The following EYA2 variants were observed in gnomAD, a reference collection of about 807,000 sequenced individuals.
The protein encoded by EYA2 is protein phosphatase EYA2.
EYA2 carries 31 observed loss-of-function variants against 69.2 expected under a neutral mutation model. That is an observed-to-expected ratio of 0.45 (90% CI 0.34 to 0.60). The LOEUF (loss-of-function observed/expected upper bound fraction) is 0.60, where lower values mean the gene tolerates loss of function less well. EYA2 is among the 20% of genes least tolerant of loss of function. The pLI is 0.02. For synonymous variants in EYA2, 257 were observed against 279.4 expected, an observed-to-expected ratio of 0.92 and a Z score of 0.80; for missense variants, 622 against 701.2, an observed-to-expected ratio of 0.89 and a Z score of 1.28.
At chr20:47,027,336 C>A (rs1387613490) in intron 5 of EYA2, among the ~76,000 whole-genome samples, 1 of 152,218 alleles carries the variant, frequency 6.6e-6, no homozygotes, top group Non-Finnish European at 1.5e-5. Flanking sequence ...TCTTGGCATC[C>A]TATGGGTTGT....
rs765751227 is a variant in EYA2 at position 47,001,425 on chromosome 20, CA to C, written c.110-2del. 1 of 1,614,086 alleles carries C rather than the reference CA, an allele frequency of 6.2e-7. No homozygotes were observed. Among genetic ancestry groups the C allele is most frequent in the African/African-American group, 1.3e-5 (1 of 75,048 alleles). On this transcript the variant is annotated splice_acceptor_variant, in intron 2 of 15. Transcript: ENST00000327619. LOFTEE classifies it high-confidence loss of function. ...TCTTCCAATTTTTCTTTTTCTCCTG[CA>C]GGCATCACCAAATCGGCCCCCCTGA... is the stretch of plus-strand genomic sequence containing the variant.
At chr20:47,137,277 A>G (rs1367224246) in intron 9 of EYA2, among the ~76,000 whole-genome samples, 1 of 152,146 alleles carries the variant, frequency 6.6e-6, no homozygotes, top group African/African-American at 2.4e-5. Context: ...CTTTTGTACC[A>G]ACTGATGTGG....
chr20:47,171,251 G>A (rs1241324709), intron 11 of EYA2, among the ~76,000 whole-genome samples: 1 of 152,192 alleles, frequency 6.6e-6, no homozygotes, highest in Non-Finnish European at 1.5e-5. Flanking sequence ...GAGCTGTTTG[G>A]TACCTCACTT....
intron 1 of EYA2, among the ~76,000 whole-genome samples, chr20:46,985,804 A>G (rs1465730658): frequency 5.3e-5 from 8 of 152,212 alleles, no homozygotes; most frequent in Admixed American, 5.2e-4. Context: ...CTAGATTTTT[A>G]TGTGAAATTG....
chr20:47,089,149 T>A, intron 7 of EYA2, 90 bp from the exon 8 acceptor site: 1 of 1,490,612 alleles, frequency 6.7e-7, no homozygotes, highest in East Asian at 2.3e-5. Context: ...ACCCACTGCT[T>A]TGGAGCTAGA....
At chr20:47,139,284 A>G (rs1338335515) in intron 9 of EYA2, among the ~76,000 whole-genome samples, 1 of 152,258 alleles carries the variant, frequency 6.6e-6, no homozygotes, top group African/African-American at 2.4e-5. Context: ...TCCAAGAAAT[A>G]TATGCCTATA....
At chr20:47,016,356 TC>T in intron 5 of EYA2, 59 bp downstream of exon 5, 1 of 1,285,692 alleles carries the variant, frequency 7.8e-7, no homozygotes, top group Non-Finnish European at 1.1e-6. Flanking sequence ...AAGTTGGGTG[TC>T]CATTCATTCA....
chr20:46,985,112 T>C (rs971219303), intron 1 of EYA2, among the ~76,000 whole-genome samples: 12 of 152,232 alleles, frequency 7.9e-5, no homozygotes, highest in Non-Finnish European at 1.6e-4. Context: ...GTCAGAGTCA[T>C]TGTCTAGGGC....
intron 5 of EYA2, among the ~76,000 whole-genome samples, chr20:47,050,849 C>T (rs1397597383): frequency 3.3e-5 from 5 of 152,320 alleles, no homozygotes; most frequent in South Asian, 4.1e-4. Flanking sequence ...AGAGAGAAAG[C>T]GTAGCGCTCC....
chr20:47,103,041 A>C (rs912724753), intron 9 of EYA2, among the ~76,000 whole-genome samples: 1 of 152,150 alleles, frequency 6.6e-6, no homozygotes, highest in Admixed American at 6.5e-5. Context: ...TAGGCAGCCC[A>C]CTACCAATAT....
rs1979234473 is a variant in EYA2 at position 46,957,909 on chromosome 20, AT to A, written c.-10-32089del. ...AAATGTATAAGCTTCTCAACTTGCA[AT>A]TTGTCCCAAACTACATTCCCTGCTC... is the stretch of plus-strand genomic sequence containing the variant. On this transcript the variant is annotated intron_variant, in intron 1 of 15. Transcript: ENST00000327619. 3.9e-5 allele frequency among the ~76,000 whole-genome samples: 6 copies of A among 152,118 alleles called. No homozygotes were observed. The South Asian group carries it at 1.2e-3, about 32-fold the overall frequency.
At position 47,135,831 on chromosome 20, in the gene EYA2, AAAAAAAAAAACAAACAAACAAAC is replaced by A. The variant is rs1181404032; in HGVS notation, c.889-7221_889-7199del. On this transcript the variant is annotated intron_variant, in intron 9 of 15. Transcript: ENST00000327619. ...ACCCTGTCTCTACAAAAAAAAAAAA[AAAAAAAAAAACAAACAAACAAAC>A]AAAAAACTAATTAATTAATTAATTA... 1.2e-3 allele frequency among the ~76,000 whole-genome samples: 100 copies of A among 83,174 alleles called. 1 individual carries two copies. Among genetic ancestry groups the A allele is most frequent in the African/African-American group, 6.8e-3 (89 of 13,088 alleles). The allele number at this position is 83,174 out of a possible 152,430, so 54.6% of individuals were successfully genotyped here.
intron 9 of EYA2, among the ~76,000 whole-genome samples, chr20:47,136,579 A>T (rs1375273178): frequency 6.6e-6 from 1 of 152,048 alleles, no homozygotes; most frequent in Non-Finnish European, 1.5e-5. Context: ...CCCTGTCTCT[A>T]CACAAAATAA....
chr20:47,039,111 T>TCACACACACACACACACA (rs11467574), intron 5 of EYA2, among the ~76,000 whole-genome samples: 13 of 149,868 alleles, frequency 8.7e-5, no homozygotes, highest in Admixed American at 2.7e-4. Flanking sequence ...GATGTCGAAA[T>TCACACACACACACACACA]CACACACACA....
chr20:47,115,140 G>C (rs953734623), intron 9 of EYA2, among the ~76,000 whole-genome samples: 3 of 152,152 alleles, frequency 2.0e-5, no homozygotes, highest in African/African-American at 7.2e-5. Flanking sequence ...CTCACAGGTG[G>C]GGCCTCCTGC....
intron 10 of EYA2, among the ~76,000 whole-genome samples, chr20:47,162,108 C>G (rs73311525): frequency 0.026 from 3,998 of 152,246 alleles, 186 homozygotes; most frequent in African/African-American, 0.091. Context: ...GGTCTCTGTC[C>G]TCGTCATCAC....
chr20:46,960,784 C>T (rs1056555275), intron 1 of EYA2, among the ~76,000 whole-genome samples: 15 of 152,180 alleles, frequency 9.9e-5, no homozygotes, highest in African/African-American at 2.9e-4. Flanking sequence ...ACCGTCTGGC[C>T]GTTTACAGTA....
At chr20:46,934,692 A>T (rs1985832029) in intron 1 of EYA2, among the ~76,000 whole-genome samples, 1 of 152,094 alleles carries the variant, frequency 6.6e-6, no homozygotes, top group South Asian at 2.1e-4. Flanking sequence ...TTCAAACTTG[A>T]TTATGTGCAC....
chr20:46,926,962 A>G (rs548773863), intron 1 of EYA2, among the ~76,000 whole-genome samples: 3 of 152,284 alleles, frequency 2.0e-5, no homozygotes, highest in Admixed American at 6.5e-5. Context: ...ACCTGAGACT[A>G]ATAAATAAAT....
Sources: gnomAD v4.1 joint callset for allele counts (sites outside exome capture counted in the v4.1 genomes callset) on GRCh38, gnomAD v4.1.1 for gene constraint, MANE v1.5 for transcripts, NCBI Gene and HGNC (gene_info 2026-07-23, HGNC 2026-07-21) for gene names.